IGFL2: variants seen among roughly 807,000 people sequenced by gnomAD.
IGFL2 encodes IGF like family member 2, also known as insulin growth factor-like family member 2.
Under a neutral mutation model 13.9 loss-of-function variants are expected in IGFL2, and 7 were observed. The observed-to-expected ratio is 0.51, with a 90% CI of 0.29 to 0.95. IGFL2 has a LOEUF of 0.95. Ranked by LOEUF, IGFL2 falls within the 40% of genes least tolerant of loss-of-function variation. IGFL2 has a pLI of 0.08. For missense variants in IGFL2, 138 were observed against 147.8 expected (o/e 0.93, Z 0.34); for synonymous variants, 55 against 55.8 (o/e 0.99, Z 0.07).
chr19:46,169,847 C>CA, the IGFL2 span, among the ~76,000 whole-genome samples: 341 of 113,596 alleles, frequency 3.0e-3, 3 homozygotes, highest in East Asian at 0.015. Flanking sequence ...GACTCTGTCT[C>CA]AAAAAAAAAA....
the IGFL2 span, among the ~76,000 whole-genome samples, chr19:46,093,244 G>A: frequency 1.3e-5 from 2 of 152,056 alleles, no homozygotes; most frequent in East Asian, 1.9e-4. Flanking sequence ...TTTATAAAAT[G>A]CATCTGTTAA....
chr19:46,125,253 T>C, the IGFL2 span, among the ~76,000 whole-genome samples: 1 of 152,220 alleles, frequency 6.6e-6, no homozygotes, highest in Non-Finnish European at 1.5e-5. Flanking sequence ...AGAATAGCAA[T>C]GGCCCAAATC....
chr19:46,128,063 A>G, the IGFL2 span, among the ~76,000 whole-genome samples: 1 of 152,012 alleles, frequency 6.6e-6, no homozygotes, highest in East Asian at 1.9e-4. Context: ...CTATATTCCT[A>G]GGTATTTTAC....
chr19:46,171,603 T>C, the IGFL2 span, among the ~76,000 whole-genome samples: 1 of 152,228 alleles, frequency 6.6e-6, no homozygotes, highest in Non-Finnish European at 1.5e-5. Context: ...TTCCTTGGAC[T>C]CAGCATAGCT....
the IGFL2 span, among the ~76,000 whole-genome samples, chr19:46,191,969 A>G: frequency 6.6e-6 from 1 of 152,154 alleles, no homozygotes; most frequent in Non-Finnish European, 1.5e-5. Context: ...CCATTATTTT[A>G]TACATGTGAG....
chr19:46,116,012 C>T, the IGFL2 span, among the ~76,000 whole-genome samples: 1 of 151,992 alleles, frequency 6.6e-6, no homozygotes, highest in African/African-American at 2.4e-5. Flanking sequence ...GATGATGGGT[C>T]CATTTTTCCT....
At chr19:46,104,231 T>C in the IGFL2 span, among the ~76,000 whole-genome samples, 13 of 152,184 alleles carry the variant, frequency 8.5e-5, no homozygotes, top group Non-Finnish European at 1.9e-4. Flanking sequence ...TCAAATGGAC[T>C]GTACCCTGTA....
At chr19:46,152,086 C>G (rs1408441959) in intron 1 of IGFL2, among the ~76,000 whole-genome samples, 1 of 152,140 alleles carries the variant, frequency 6.6e-6, no homozygotes, top group African/African-American at 2.4e-5. Flanking sequence ...TCTTGCACCT[C>G]TTCTGTTCAA....
At chr19:46,154,390 T>G (rs1007251132) in intron 1 of IGFL2, among the ~76,000 whole-genome samples, 4 of 152,094 alleles carry the variant, frequency 2.6e-5, no homozygotes, top group Non-Finnish European at 5.9e-5. Context: ...CCTTCTTAGT[T>G]ATCTCTTTTT....
chr19:46,168,916 A>ATGTGTGTGTGTGTG, the IGFL2 span, among the ~76,000 whole-genome samples: 3 of 145,614 alleles, frequency 2.1e-5, no homozygotes, highest in Non-Finnish European at 4.6e-5. Context: ...GTGTGTGTGT[A>ATGTGTGTGTGTGTG]TGTGTGTGTG....
upstream of IGFL2, among the ~76,000 whole-genome samples, chr19:46,144,157 A>G (rs140275095): frequency 3.0e-4 from 45 of 152,372 alleles, no homozygotes; most frequent in Admixed American, 5.2e-4. Context: ...TGTAGTGAAG[A>G]AGCATGAAGA....
At chr19:46,084,548 T>C in the IGFL2 span, among the ~76,000 whole-genome samples, 2 of 152,196 alleles carry the variant, frequency 1.3e-5, no homozygotes, top group African/African-American at 4.8e-5. Context: ...TTTCATTGAC[T>C]CACAATTATG....
the IGFL2 span, among the ~76,000 whole-genome samples, chr19:46,168,761 C>T: frequency 6.6e-6 from 1 of 152,214 alleles, no homozygotes; most frequent in African/African-American, 2.4e-5. Flanking sequence ...TTGCAGTTCT[C>T]AAGCTTGGCC....
chr19:46,165,326 A>G (rs1161163495), downstream of IGFL2, among the ~76,000 whole-genome samples: 1 of 152,180 alleles, frequency 6.6e-6, no homozygotes, highest in Non-Finnish European at 1.5e-5. Context: ...AGAATCATGG[A>G]TCAACAATGC....
the IGFL2 span, chr19:46,207,880 C>A: frequency 1.3e-5 from 2 of 152,250 alleles, no homozygotes; most frequent in African/African-American, 2.4e-5. Flanking sequence ...CTTTGCTCTG[C>A]CAAATTGGCA....
the IGFL2 span, chr19:46,212,737 C>CTCTCTCTCTCTCCT: frequency 8.8e-5 from 13 of 147,712 alleles, no homozygotes; most frequent in African/African-American, 3.3e-4. Context: ...CTCTCTCTCT[C>CTCTCTCTCTCTCCT]CTCTCACTGT....
At chr19:46,110,994 A>G in the IGFL2 span, 26 of 151,888 alleles carry the variant, frequency 1.7e-4, 1 homozygote, top group African/African-American at 4.8e-4. Context: ...ATTATGTACA[A>G]TTTTTTTTAC....
At chr19:46,124,462 T>C in the IGFL2 span, 1 of 1,153,336 alleles carries the variant, frequency 8.7e-7, no homozygotes, top group South Asian at 1.3e-5. Context: ...GGGATCCCGT[T>C]CAGGCAGGCC....
At chr19:46,089,974 G>C in the IGFL2 span, among the ~76,000 whole-genome samples, 3 of 151,872 alleles carry the variant, frequency 2.0e-5, no homozygotes, top group African/African-American at 7.3e-5. Context: ...TAATTCCAGT[G>C]ACCCAAACAT....
Sources: allele counts gnomAD v4.1 joint callset (sites outside exome capture counted in the v4.1 genomes callset), GRCh38; gene constraint gnomAD v4.1.1; transcripts MANE v1.5; gene names NCBI Gene and HGNC (gene_info 2026-07-23, HGNC 2026-07-21).